Variants in SEC63 observed in about 807,000 individuals in gnomAD.
SEC63 encodes the protein translocation protein SEC63 homolog.
Under a neutral mutation model 116.2 loss-of-function variants are expected in SEC63, and 56 were observed. The observed-to-expected ratio is 0.48, with a 90% CI of 0.39 to 0.60. The LOEUF (loss-of-function observed/expected upper bound fraction) is 0.60, where lower values mean the gene tolerates loss of function less well. SEC63 is among the 20% of genes least tolerant of loss of function. SEC63 has a pLI of 0.00. For synonymous variants in SEC63, 273 were observed against 294.6 expected (o/e 0.93, Z 0.75); for missense variants, 668 against 900.0 (o/e 0.74, Z 3.30).
chr6:107,894,668 T>C (rs1786772906), intron 14 of SEC63, among the ~76,000 whole-genome samples: 1 of 152,178 alleles, frequency 6.6e-6, no homozygotes, highest in Non-Finnish European at 1.5e-5. Context: ...ATAAACTCCC[T>C]AGAATTATTA....
At chr6:107,880,863 G>A (rs1018867131) in intron 18 of SEC63, 2 of 300,110 alleles carry the variant, frequency 6.7e-6, no homozygotes, top group Admixed American at 8.9e-5. Flanking sequence ...ATCTGCTAAT[G>A]AGAAATCACC....
chr6:107,949,909 T>C (rs1215928946), intron 1 of SEC63, among the ~76,000 whole-genome samples: 1 of 152,196 alleles, frequency 6.6e-6, no homozygotes. Context: ...GTGCTGGGAT[T>C]ACAGGAATGA....
chr6:107,889,676 G>T (rs1324358244), intron 16 of SEC63, among the ~76,000 whole-genome samples: 1 of 151,922 alleles, frequency 6.6e-6, no homozygotes, highest in African/African-American at 2.4e-5. Context: ...TGATGTTAGG[G>T]TGTCGATTTT....
At chr6:107,952,720 T>TG (rs1230070932) in intron 1 of SEC63, among the ~76,000 whole-genome samples, 1 of 152,152 alleles carries the variant, frequency 6.6e-6, no homozygotes, top group Non-Finnish European at 1.5e-5. Context: ...ATCTTGCTAT[T>TG]GCACTGGAGC....
chr6:107,893,554 T>C lies in SEC63; in HGVS notation c.1602A>G (p.Lys534=), dbSNP rs781417743. The C allele has an allele frequency of 6.2e-7, 1 of 1,600,138 alleles. No individual in the cohort carries two copies. The highest frequency in any genetic ancestry group is 1.4e-5 in the African/African-American group (1 of 73,760). The change falls in exon 16 of 21, where the codon AAA becomes AAG. Residue 534 remains lysine, a synonymous_variant. Transcript: ENST00000369002. The part of the protein sequence containing the change: ...AKSKKKKPLK[K]KPTPVLLPQS... ...GTGGTAATAGCACAGGTGTAGGTTT[T>C]TTTTTTAAAGGTTTCTTTTTTTTTG...
At chr6:107,955,096 C>T (rs1562345309) in intron 1 of SEC63, among the ~76,000 whole-genome samples, 2 of 152,180 alleles carry the variant, frequency 1.3e-5, no homozygotes, top group Non-Finnish European at 2.9e-5. Flanking sequence ...TGAAGCTAAG[C>T]GACCAATGTT....
At chr6:107,927,497 G>A (rs569284160) in intron 2 of SEC63, among the ~76,000 whole-genome samples, 1 of 152,030 alleles carries the variant, frequency 6.6e-6, no homozygotes, top group South Asian at 2.1e-4. Context: ...AAGTTTTAAT[G>A]GTTTATGACC....
intron 1 of SEC63, among the ~76,000 whole-genome samples, chr6:107,942,515 T>C (rs1409678613): frequency 1.3e-5 from 2 of 152,140 alleles, no homozygotes; most frequent in African/African-American, 4.8e-5. Flanking sequence ...TTCTGGACAC[T>C]GAGGATATAG....
chr6:107,933,850 G>C (rs1011869698), intron 1 of SEC63, among the ~76,000 whole-genome samples: 3 of 152,196 alleles, frequency 2.0e-5, no homozygotes, highest in East Asian at 1.9e-4. Flanking sequence ...CCTGCCGAGT[G>C]CCTGCGATTG....
intron 12 of SEC63, 61 bp downstream of exon 12, chr6:107,902,783 T>C (rs1583742413): frequency 2.7e-6 from 4 of 1,507,438 alleles, no homozygotes; most frequent in South Asian, 2.3e-5. Flanking sequence ...CTTTTATTCA[T>C]GTTACCTTTA....
chr6:107,944,530 G>C (rs926758931), intron 1 of SEC63, among the ~76,000 whole-genome samples: 1 of 151,878 alleles, frequency 6.6e-6, no homozygotes, highest in Non-Finnish European at 1.5e-5. Context: ...AAACCCGTCT[G>C]TACTAAAAAT....
In SEC63 at chr6:107,869,902, GAAAA is replaced by G. The variant is rs200166121; in HGVS notation, c.*1798_*1801del. The G allele has an allele frequency of 6.4e-5, 3 of 46,908 alleles. No individual in the cohort carries two copies. The highest frequency in any genetic ancestry group is 1.5e-4 in the African/African-American group (3 of 20,286). The allele number at this position is 46,908 out of a possible 1,614,324, so 2.9% of individuals were successfully genotyped here. On this transcript the variant is annotated 3_prime_UTR_variant, in exon 21 of 21. Coordinates refer to ENST00000369002, the MANE Select transcript of SEC63 (RefSeq NM_007214.5). Reference sequence around the variant, plus strand: ...CCTCTTTAAGGCAAAGTAGCCACTAGAAAAAAAAAAACAACTTTTCTTGAAATCT... The same window carrying G: ...CCTCTTTAAGGCAAAGTAGCCACTAGAAAAAAACAACTTTTCTTGAAATCT...
chr6:107,910,663 C>A (rs1324806245), intron 7 of SEC63, among the ~76,000 whole-genome samples: 2 of 152,050 alleles, frequency 1.3e-5, no homozygotes, highest in Non-Finnish European at 2.9e-5. Flanking sequence ...TTATACACAT[C>A]TGTCATGCAT....
intron 5 of SEC63, 38 bp from the exon 6 acceptor site, chr6:107,912,812 A>G (rs746079464): frequency 1.4e-6 from 2 of 1,449,490 alleles, no homozygotes; most frequent in South Asian, 2.3e-5. Context: ...AAGAATCTCT[A>G]CTTTCAGTTT....
chr6:107,884,674 T>C (rs1786488398), intron 16 of SEC63, among the ~76,000 whole-genome samples: 1 of 152,150 alleles, frequency 6.6e-6, no homozygotes, highest in Non-Finnish European at 1.5e-5. Flanking sequence ...AAAAAGGGAA[T>C]ACTTCCTAGC....
At chr6:107,954,551 A>G (rs181014480) in intron 1 of SEC63, 49 of 152,216 alleles carry the variant, frequency 3.2e-4, no homozygotes, top group Middle Eastern at 3.4e-3. Context: ...AACAGACCCT[A>G]TGGGGTCTAA....
intron 7 of SEC63, chr6:107,911,113 T>G (rs543757665): frequency 5.8e-5 from 31 of 537,236 alleles, no homozygotes; most frequent in African/African-American, 5.7e-4. Flanking sequence ...TTTTTTTCAG[T>G]TGGGGTCTCA....
intron 3 of SEC63, among the ~76,000 whole-genome samples, chr6:107,923,721 G>C (rs1188899092): frequency 1.4e-5 from 2 of 145,840 alleles, no homozygotes; most frequent in Non-Finnish European, 3.0e-5. Context: ...GATACAGCCT[G>C]GGTGTCACTA....
rs762802996 is a variant in SEC63 at position 107,912,732 on chromosome 6, T to C, written c.557A>G (p.Gln186Arg). ...GIALPAWIVD[Q>R]KNSILVLLVY... ...TGCACTCACCAGAATTGAGTTTTTC[T>C]GGTCAACTATCCAAGCTGGCAGGGC... Residue 186 changes from glutamine to arginine, a missense_variant, in exon 6 of 21, where the codon CAG becomes CGG. By Grantham distance (43) the Gln-to-Arg change is conservative. This residue lies in a region of SEC63 where 430 missense variants were observed against 557.5 expected (regional missense o/e 0.77). Transcript: ENST00000369002. 2.5e-6 allele frequency: 4 copies of C among 1,610,424 alleles called. No individual in the cohort carries two copies. Among genetic ancestry groups the C allele is most frequent in the Non-Finnish European group, 2.5e-6 (3 of 1,176,764 alleles).
Sources: gnomAD v4.1 joint callset for allele counts (sites outside exome capture counted in the v4.1 genomes callset) on GRCh38, gnomAD v4.1.1 for gene constraint, gnomAD v4.1.1 regional missense constraint, MANE v1.5 for transcripts, NCBI Gene and HGNC (gene_info 2026-07-23, HGNC 2026-07-21) for gene names.